Variants in ABLIM2 observed in about 807,000 individuals in gnomAD.
ABLIM2 encodes actin-binding LIM protein 2.
Under a neutral mutation model 97.7 loss-of-function variants are expected in ABLIM2, and 53 were observed. That is an observed-to-expected ratio of 0.54 (90% CI 0.44 to 0.68). The LOEUF is 0.68. ABLIM2 is among the 30% of genes least tolerant of loss of function. The probability of loss-of-function intolerance (pLI) is 0.00; values close to 1 mark genes in which losing one functional copy is unlikely to be tolerated. For synonymous variants in ABLIM2, 361 were observed against 345.8 expected, an observed-to-expected ratio of 1.04 and a Z score of -0.49; for missense variants, 835 against 867.2, an observed-to-expected ratio of 0.96 and a Z score of 0.47.
At chr4:8,037,177 T>G (rs1178724902) in intron 9 of ABLIM2, among the ~76,000 whole-genome samples, 2 of 152,216 alleles carry the variant, frequency 1.3e-5, no homozygotes, top group Non-Finnish European at 2.9e-5. Context: ...CTATTTTTAT[T>G]GTTTTTTAAG....
chr4:8,143,657 C>T (rs1431930112), intron 1 of ABLIM2, among the ~76,000 whole-genome samples: 1 of 152,182 alleles, frequency 6.6e-6, no homozygotes, highest in Non-Finnish European at 1.5e-5. Context: ...AGCCTGCCTC[C>T]CTGAGAAGTG....
chr4:8,119,948 A>G (rs1296239749), intron 1 of ABLIM2, among the ~76,000 whole-genome samples: 3 of 152,050 alleles, frequency 2.0e-5, no homozygotes, highest in African/African-American at 7.2e-5. Flanking sequence ...CTGCGGGTGG[A>G]GGTGTCCTAC....
chr4:8,026,443 G>A (rs894754932), intron 12 of ABLIM2, among the ~76,000 whole-genome samples: 3 of 152,262 alleles, frequency 2.0e-5, no homozygotes, highest in East Asian at 1.9e-4. Context: ...ATGATGATGA[G>A]GTACACGGAG....
rs572578129 is a variant in ABLIM2, at chr4:8,140,422, G to A, written c.10+18258C>T. Among the ~76,000 whole-genome samples, 4 of 152,186 alleles carry A rather than the reference G, an allele frequency of 2.6e-5. No individual in the cohort carries two copies. The highest frequency in any genetic ancestry group is 1.9e-4 in the East Asian group (1 of 5,182). ...GGATTTCATGCCAGGCAGGAACTTC[G>A]TGAAACAGTGCCAGAGGAGGACCGC... On this transcript the variant is annotated intron_variant, in intron 1 of 20. Coordinates refer to ENST00000447017, the MANE Select transcript of ABLIM2 (RefSeq NM_001130083.2). The surrounding 1 kb of genome is among the most constrained non-coding windows in gnomAD (Gnocchi z 5.9).
intron 12 of ABLIM2, 93 bp from the exon 13 acceptor site, chr4:8,020,396 C>T: frequency 8.8e-7 from 1 of 1,135,332 alleles, no homozygotes; most frequent in Non-Finnish European, 1.3e-6. Flanking sequence ...TGCAGCGAGC[C>T]CCATCTCTCC....
At position 8,023,305 on chromosome 4, in the gene ABLIM2, G is replaced by A. The variant is rs567748483; in HGVS notation, c.1268-3002C>T. The stretch of plus-strand genomic sequence containing the variant: ...CAGGATCCCACCCAGGAAACATGAC[G>A]TTCTGTCGGCACGTCTCCCAAGGCT... On this transcript the variant is annotated intron_variant, in intron 12 of 20. Coordinates refer to ENST00000447017, the MANE Select transcript of ABLIM2 (RefSeq NM_001130083.2). This position sits in a 1 kb window ranked among gnomAD's most constrained non-coding sequence, Gnocchi z 5.7. 1.3e-5 allele frequency among the ~76,000 whole-genome samples: 2 copies of A among 152,224 alleles called. No individual in the cohort carries two copies. The highest frequency in any genetic ancestry group is 2.4e-5 in the African/African-American group (1 of 41,458).
intron 1 of ABLIM2, among the ~76,000 whole-genome samples, chr4:8,157,176 C>T (rs950051027): frequency 1.3e-5 from 2 of 152,194 alleles, no homozygotes; most frequent in Admixed American, 1.3e-4. Context: ...TCTCTGCCCC[C>T]AACTGCCCCA....
At chr4:8,131,560 C>T (rs917866623) in intron 1 of ABLIM2, among the ~76,000 whole-genome samples, 2 of 152,144 alleles carry the variant, frequency 1.3e-5, no homozygotes, top group Admixed American at 6.5e-5. Context: ...GGAGGACCCC[C>T]GACCCCTCCC....
chr4:8,013,219 CT>C (rs60424207), intron 14 of ABLIM2, among the ~76,000 whole-genome samples: 2,421 of 110,550 alleles, frequency 0.022, 27 homozygotes, highest in African/African-American at 0.073. Context: ...AACATTTTTC[CT>C]TTTTTTTTTT....
chr4:8,081,897 G>C lies in ABLIM2; in HGVS notation c.455-1095C>G, dbSNP rs557131888. On this transcript the variant is annotated intron_variant, in intron 4 of 20. Transcript: ENST00000447017. ...TGGATCACACACGTCCTCACTCCAG[G>C]GACCTGCACCTGTCATAGCTGAATG... Among the ~76,000 whole-genome samples the C allele has an allele frequency of 2.0e-5, 3 of 152,294 alleles. No homozygotes were observed. The South Asian group carries it at 6.2e-4, about 32-fold the overall frequency.
At chr4:8,065,342 A>G (rs991214730) in intron 6 of ABLIM2, among the ~76,000 whole-genome samples, 32 of 152,238 alleles carry the variant, frequency 2.1e-4, no homozygotes, top group Non-Finnish European at 1.5e-5. Context: ...ACATGAAAAG[A>G]TGCTCAACAT....
At position 7,979,025 on chromosome 4, in the gene ABLIM2, G is replaced by A. The variant is rs552533418; in HGVS notation, c.1824+4239C>T. Among the ~76,000 whole-genome samples the A allele has an allele frequency of 2.6e-5, 4 of 152,310 alleles. No individual in the cohort carries two copies. In the South Asian group the frequency reaches 6.2e-4, roughly 24 times the overall value. ...AGCCTCACCTGCACACTCACTCTGCGCAGATGCTGGGCTTCTCCACCCACC... is the reference window on the plus strand; with the variant it reads ...AGCCTCACCTGCACACTCACTCTGCACAGATGCTGGGCTTCTCCACCCACC... On this transcript the variant is annotated intron_variant, in intron 20 of 20. Coordinates refer to ENST00000447017, the MANE Select transcript of ABLIM2 (RefSeq NM_001130083.2).
chr4:8,109,269 G>T (rs1178118237), intron 1 of ABLIM2, among the ~76,000 whole-genome samples: 1 of 152,232 alleles, frequency 6.6e-6, no homozygotes, highest in Admixed American at 6.5e-5. Flanking sequence ...ATGGGGCATG[G>T]CCCACCTGGT....
chr4:8,045,040 T>C, intron 9 of ABLIM2, 124 bp downstream of exon 9: 1 of 839,274 alleles, frequency 1.2e-6, no homozygotes. Flanking sequence ...GCAATGGCCG[T>C]ACCTCAGGCC....
chr4:8,133,549 G>GGCGC (rs1205377494), intron 1 of ABLIM2, among the ~76,000 whole-genome samples: 2 of 152,158 alleles, frequency 1.3e-5, no homozygotes, highest in Non-Finnish European at 2.9e-5. Context: ...TCCTCTTTGG[G>GGCGC]GCGCACTAGG....
At chr4:8,027,716 G>T in intron 12 of ABLIM2, 43 bp downstream of exon 12, 1 of 1,448,814 alleles carries the variant, frequency 6.9e-7, no homozygotes, top group Non-Finnish European at 9.2e-7. Flanking sequence ...GCCGGGCGTG[G>T]ACACCCATGA....
rs369591301 is a variant in ABLIM2 at position 8,096,158 on chromosome 4, C to T, written c.338+941G>A. On this transcript the variant is annotated intron_variant, in intron 3 of 20. Transcript: ENST00000447017. ...GAAGGAAGCTGGGGCAATCACAGGC[C>T]TCGCCTCGCTTAACTTGTTCCTTTC... Among the ~76,000 whole-genome samples, 153 of 152,296 alleles carry T rather than the reference C, an allele frequency of 1.0e-3. 1 individual carries two copies. The highest frequency in any genetic ancestry group is 3.2e-3 in the African/African-American group (135 of 41,576).
rs970599784 is a variant in ABLIM2 at position 8,043,087 on chromosome 4, G to C, written c.900+2077C>G. Among the ~76,000 whole-genome samples, 1 of 152,130 alleles carries C rather than the reference G, an allele frequency of 6.6e-6. No individual in the cohort carries two copies. The highest frequency in any genetic ancestry group is 6.5e-5 in the Admixed American group (1 of 15,272). ...GATCGCCTGAGCCCGGGGAGGTTGAGGCTGCCATGAGCCATGATCTCACCA... is the reference window on the plus strand; with the variant it reads ...GATCGCCTGAGCCCGGGGAGGTTGACGCTGCCATGAGCCATGATCTCACCA... On this transcript the variant is annotated intron_variant, in intron 9 of 20. Transcript: ENST00000447017. The surrounding 1 kb of genome is among the most constrained non-coding windows in gnomAD (Gnocchi z 4.8).
At position 7,970,867 on chromosome 4, in the gene ABLIM2, G is replaced by A. The variant is rs1181602331; in HGVS notation, c.1825-3764C>T. ...GTCCCGAGCATGTGGGCTGGGCCAG[G>A]CCACTCGTATGTGGCCTACAGGGCC... On this transcript the variant is annotated intron_variant, in intron 20 of 20. Coordinates refer to ENST00000447017, the MANE Select transcript of ABLIM2 (RefSeq NM_001130083.2). The surrounding 1 kb of genome is among the most constrained non-coding windows in gnomAD (Gnocchi z 5.3). Among the ~76,000 whole-genome samples, 1 of 152,002 alleles carries A rather than the reference G, an allele frequency of 6.6e-6. No individual in the cohort carries two copies. The highest frequency in any genetic ancestry group is 1.5e-5 in the Non-Finnish European group (1 of 67,984).
Sources: gnomAD v4.1 joint callset for allele counts (sites outside exome capture counted in the v4.1 genomes callset) on GRCh38, gnomAD v4.1.1 for gene constraint, Gnocchi (gnomAD v3.1) non-coding constraint, MANE v1.5 for transcripts, NCBI Gene and HGNC (gene_info 2026-07-23, HGNC 2026-07-21) for gene names.